PDZD2: variants seen among roughly 807,000 people sequenced by gnomAD.
PDZD2 encodes the protein PDZ domain-containing protein 2.
PDZD2 carries 90 observed loss-of-function variants against 220.7 expected under a neutral mutation model. The observed-to-expected ratio is 0.41, with a 90% CI of 0.34 to 0.49. The LOEUF is 0.49. PDZD2 is among the 20% of genes least tolerant of loss of function. PDZD2 has a pLI of 0.28. For synonymous variants in PDZD2, 1,375 were observed against 1,450.5 expected, an observed-to-expected ratio of 0.95 and a Z score of 1.18; for missense variants, 3,174 against 3,608.5, an observed-to-expected ratio of 0.88 and a Z score of 3.08.
rs184722937 is a variant in PDZD2 at position 31,741,998 on chromosome 5, A to G, written c.-360-56891A>G. 438 of 152,328 alleles carry G rather than the reference A, an allele frequency of 2.9e-3. 2 individuals carry two copies. The highest frequency in any genetic ancestry group is 0.01 in the African/African-American group (416 of 41,584). The allele number at this position is 152,328 out of a possible 1,614,324, so 9.4% of individuals were successfully genotyped here. On this transcript the variant is annotated intron_variant, in intron 1 of 24. Transcript: ENST00000438447. ...ACTGCATAGTGGAGGTCTCTGACCAATGTGGTGGAACTAAAGTCCAGCCTT... is the reference window on the plus strand; with the variant it reads ...ACTGCATAGTGGAGGTCTCTGACCAGTGTGGTGGAACTAAAGTCCAGCCTT...
chr5:31,936,177 G>C, intron 2 of PDZD2: 1 of 987,896 alleles, frequency 1.0e-6, no homozygotes, highest in Non-Finnish European at 1.2e-6. Flanking sequence ...CTGGCAGGAA[G>C]TTGGAGCACG....
intron 2 of PDZD2, among the ~76,000 whole-genome samples, chr5:31,881,826 T>C (rs1739956492): frequency 6.6e-6 from 1 of 152,082 alleles, no homozygotes; most frequent in African/African-American, 2.4e-5. Context: ...GTGATTCTCC[T>C]GCCTCAGCCT....
intron 2 of PDZD2, among the ~76,000 whole-genome samples, chr5:31,902,347 C>T (rs565117806): frequency 2.2e-4 from 33 of 152,178 alleles, no homozygotes; most frequent in African/African-American, 6.3e-4. Flanking sequence ...AATGATGTTG[C>T]ACATCTTTTC....
chr5:31,940,416 G>A (rs540440856), intron 2 of PDZD2, among the ~76,000 whole-genome samples: 12 of 152,318 alleles, frequency 7.9e-5, no homozygotes, highest in African/African-American at 2.6e-4. Flanking sequence ...TGAGGTCCCT[G>A]TACCACGAGT....
intron 1 of PDZD2, among the ~76,000 whole-genome samples, chr5:31,776,485 T>C (rs893418475): frequency 4.8e-5 from 7 of 144,610 alleles, no homozygotes; most frequent in African/African-American, 1.1e-4. Flanking sequence ...TTTATTTATT[T>C]ATTTATTCAT....
intron 2 of PDZD2, among the ~76,000 whole-genome samples, chr5:31,913,612 A>G (rs1180661441): frequency 6.6e-6 from 1 of 152,166 alleles, no homozygotes; most frequent in Non-Finnish European, 1.5e-5. Flanking sequence ...GCTGTTCGTC[A>G]TGGCTCTTGC....
At chr5:31,882,262 A>G (rs1442072809) in intron 2 of PDZD2, among the ~76,000 whole-genome samples, 1 of 152,210 alleles carries the variant, frequency 6.6e-6, no homozygotes, top group African/African-American at 2.4e-5. Context: ...CTTAGATCCC[A>G]TAAGTGGCTC....
chr5:31,885,884 G>GA (rs1740415420), intron 2 of PDZD2, among the ~76,000 whole-genome samples: 6 of 151,486 alleles, frequency 4.0e-5, no homozygotes, highest in Admixed American at 2.0e-4. Flanking sequence ...GTTTGTTTTT[G>GA]GTTTTTTTGT....
At chr5:32,077,259 G>GA (rs34030551) in intron 18 of PDZD2, among the ~76,000 whole-genome samples, 1 of 151,936 alleles carries the variant, frequency 6.6e-6, no homozygotes, top group East Asian at 1.9e-4. Context: ...TTTTAGAGTT[G>GA]AAAAAAATGG....
chr5:32,104,568 A>G (rs1219097377), intron 24 of PDZD2, among the ~76,000 whole-genome samples: 1 of 150,438 alleles, frequency 6.6e-6, no homozygotes, highest in Non-Finnish European at 1.5e-5. Flanking sequence ...TACTAAAAAT[A>G]TGTTAGCTGG....
At chr5:31,654,714 A>G (rs1745479701) in intron 1 of PDZD2, among the ~76,000 whole-genome samples, 2 of 151,782 alleles carry the variant, frequency 1.3e-5, no homozygotes, top group South Asian at 4.2e-4. Flanking sequence ...TGGAAGCTAC[A>G]CTCATCTCTC....
intron 2 of PDZD2, among the ~76,000 whole-genome samples, chr5:31,859,570 T>C (rs1368400220): frequency 6.6e-6 from 1 of 151,882 alleles, no homozygotes; most frequent in Non-Finnish European, 1.5e-5. Context: ...TCTCTGTAGA[T>C]CTCAATTACA....
intron 14 of PDZD2, among the ~76,000 whole-genome samples, chr5:32,067,376 C>G (rs373798898): frequency 6.6e-5 from 10 of 152,292 alleles, no homozygotes; most frequent in African/African-American, 2.4e-4. Flanking sequence ...ACAGCAACCA[C>G]TCTTTAAGCT....
chr5:31,849,926 A>G lies in PDZD2; in HGVS notation c.476+50202A>G. Among the ~76,000 whole-genome samples the G allele has an allele frequency of 4.2e-4, 10 of 24,088 alleles. 2 individuals carry two copies. Among genetic ancestry groups the G allele is most frequent in the South Asian group, 1.4e-3 (1 of 730 alleles). The allele number at this position is 24,088 out of a possible 152,430, so 15.8% of individuals were successfully genotyped here. ...TATACATATATATATATACATATATATATATACACATATATATATATACAT... is the reference window on the plus strand; with the variant it reads ...TATACATATATATATATACATATATGTATATACACATATATATATATACAT... On this transcript the variant is annotated intron_variant, in intron 2 of 24. Transcript: ENST00000438447.
chr5:31,808,911 G>C (rs1037815944), intron 2 of PDZD2, among the ~76,000 whole-genome samples: 1 of 151,064 alleles, frequency 6.6e-6, no homozygotes, highest in African/African-American at 2.4e-5. Flanking sequence ...ACTGGGAGGC[G>C]GAGGTTGCAG....
intron 2 of PDZD2, among the ~76,000 whole-genome samples, chr5:31,805,555 C>T (rs1485962682): frequency 1.3e-5 from 2 of 152,186 alleles, no homozygotes; most frequent in African/African-American, 4.8e-5. Context: ...ACCAACTTAC[C>T]TGCCAGCGTG....
chr5:32,003,104 CCCACAAACACACCACGCG>C, intron 5 of PDZD2, among the ~76,000 whole-genome samples: 7 of 112,370 alleles, frequency 6.2e-5, no homozygotes, highest in African/African-American at 6.2e-5. Flanking sequence ...ACACACACAC[CCCACAAACACACCACGCG>C]CCACACACAC....
At chr5:31,716,858 G>T (rs1340863566) in intron 1 of PDZD2, among the ~76,000 whole-genome samples, 4 of 152,130 alleles carry the variant, frequency 2.6e-5, no homozygotes, top group African/African-American at 9.7e-5. Context: ...GGCCTTTGGG[G>T]TGCAGGGGCT....
In PDZD2 at chr5:31,949,097, C is replaced by CAAA. The variant is rs34780210; in HGVS notation, c.477-34034_477-34032dup. 2.7e-3 allele frequency among the ~76,000 whole-genome samples: 150 copies of CAAA among 54,976 alleles called. 5 individuals carry two copies. Among genetic ancestry groups the CAAA allele is most frequent in the Non-Finnish European group, 3.3e-3 (104 of 31,502 alleles). 36.1% of individuals were successfully genotyped at this position (54,976 alleles called of 152,430 possible). ...TGGGTGACAGAGTGAGACTCTGTCTCAAAAAAAAAAAAAAAAAAAAAAAAA... is the reference window on the plus strand; with the variant it reads ...TGGGTGACAGAGTGAGACTCTGTCTCAAAAAAAAAAAAAAAAAAAAAAAAAAAA... On this transcript the variant is annotated intron_variant, in intron 2 of 24. Coordinates refer to ENST00000438447, the MANE Select transcript of PDZD2 (RefSeq NM_178140.4).
Sources: gnomAD v4.1 joint callset for allele counts (sites outside exome capture counted in the v4.1 genomes callset) on GRCh38, gnomAD v4.1.1 for gene constraint, MANE v1.5 for transcripts, NCBI Gene and HGNC (gene_info 2026-07-23, HGNC 2026-07-21) for gene names.